Variants in ADAM29 observed in about 807,000 individuals in gnomAD.
The protein encoded by ADAM29 is disintegrin and metalloproteinase domain-containing protein 29.
For missense variants in ADAM29, 969 were observed against 1,001.8 expected (o/e 0.97, Z 0.44); for synonymous variants, 367 against 342.3 (o/e 1.07, Z -0.80).
chr4:174,974,708 C>G (rs1746657382), intron 4 of ADAM29, among the ~76,000 whole-genome samples: 1 of 152,160 alleles, frequency 6.6e-6, no homozygotes, highest in South Asian at 2.1e-4. Flanking sequence ...TTAAACCAGG[C>G]ATTATATGAG....
Position 174,975,488 on chromosome 4 carries a change from G to T in ADAM29, c.-38G>T. The T allele has an allele frequency of 6.7e-7, 1 of 1,492,582 alleles. No homozygotes were observed. 92.5% of individuals were successfully genotyped at this position (1,492,582 alleles called of 1,614,324 possible). On this transcript the variant is annotated 5_prime_UTR_variant, in exon 5 of 5. Transcript: ENST00000359240. ...CTCTGGACCAGTGTTTCCATAACAG[G>T]GACTTCAAAATCACTGTGATTTGAA...
At chr4:174,968,767 CCGCCCACACACA>C (rs1317066742) in intron 4 of ADAM29, among the ~76,000 whole-genome samples, 5 of 114,848 alleles carry the variant, frequency 4.4e-5, no homozygotes, top group Middle Eastern at 4.2e-3. Context: ...TTGCCACTTT[CCGCCCACACACA>C]CACACACACA....
intron 3 of ADAM29, among the ~76,000 whole-genome samples, chr4:174,931,766 T>A (rs1743890913): frequency 6.6e-6 from 1 of 151,968 alleles, no homozygotes; most frequent in African/African-American, 2.4e-5. Context: ...TTAAAAAAAA[T>A]CTCTCTCGTT....
At chr4:174,964,065 C>T (rs932349336) in intron 4 of ADAM29, among the ~76,000 whole-genome samples, 23 of 152,000 alleles carry the variant, frequency 1.5e-4, no homozygotes, top group South Asian at 2.1e-4. Context: ...TGATTAAATA[C>T]AGTATTATCT....
In ADAM29 at chr4:174,976,909, T is replaced by C. The variant is rs1325035982; in HGVS notation, c.1384T>C (p.Cys462Arg). The change falls in exon 5 of 5, where the codon TGT becomes CGT. Residue 462 changes from cysteine (C) to arginine (R), a missense_variant. Cys to Arg is a radical substitution (Grantham distance 180, BLOSUM62 -3). Transcript: ENST00000359240. ...AGTGTGTAGAAAGGAGGTCAATGAA[T>C]GTGATCTTCCAGAGTGGTGCAATGG... ...GKVCRKEVNE[C>R]DLPEWCNGTS... The C allele has an allele frequency of 1.9e-6, 3 of 1,614,040 alleles. No individual in the cohort carries two copies. Among genetic ancestry groups the C allele is most frequent in the Non-Finnish European group, 2.5e-6 (3 of 1,180,044 alleles).
chr4:174,927,021 A>G (rs1011733000), intron 2 of ADAM29, among the ~76,000 whole-genome samples: 2 of 152,252 alleles, frequency 1.3e-5, no homozygotes, highest in Non-Finnish European at 2.9e-5. Context: ...AAAGATACTC[A>G]GTATCATTAG....
intron 4 of ADAM29, among the ~76,000 whole-genome samples, chr4:174,950,375 C>A (rs762945656): frequency 6.6e-6 from 1 of 152,186 alleles, no homozygotes; most frequent in African/African-American, 2.4e-5. Context: ...CCCTTCAGAC[C>A]TGGAATCCTA....
Position 174,939,173 on chromosome 4 carries a change from T to G in ADAM29, c.-181+2160T>G, listed in dbSNP as rs115430287. ...TTCACAGGTTCCTGGGGTTAGGACA[T>G]GGGACATATCTTTTTGGGAGCCACC... On this transcript the variant is annotated intron_variant, in intron 4 of 4. Transcript: ENST00000359240. Among the ~76,000 whole-genome samples, 1,158 of 152,280 alleles carry G rather than the reference T, an allele frequency of 7.6e-3. 18 individuals carry two copies. Among genetic ancestry groups the G allele is most frequent in the African/African-American group, 0.026 (1,077 of 41,570 alleles).
intron 2 of ADAM29, chr4:174,924,157 A>G (rs774195309): frequency 6.6e-6 from 1 of 152,180 alleles, no homozygotes; most frequent in Non-Finnish European, 1.5e-5. Context: ...AGTACAGACA[A>G]CTCAATTAAA....
chr4:174,975,505 T>C lies in ADAM29; in HGVS notation c.-21T>C. 6.7e-7 allele frequency: 1 copy of C among 1,493,124 alleles called. No individual in the cohort carries two copies. Among genetic ancestry groups the C allele is most frequent in the Non-Finnish European group, 8.9e-7 (1 of 1,120,876 alleles). 92.5% of individuals were successfully genotyped at this position (1,493,124 alleles called of 1,614,324 possible). ...CATAACAGGGACTTCAAAATCACTG[T>C]GATTTGAAGCCTTTTTGAACATGAA... On this transcript the variant is annotated 5_prime_UTR_variant, in exon 5 of 5. Coordinates refer to ENST00000359240, the MANE Select transcript of ADAM29 (RefSeq NM_014269.4).
chr4:174,924,209 G>A (rs1743354762), intron 2 of ADAM29, among the ~76,000 whole-genome samples: 1 of 152,132 alleles, frequency 6.6e-6, no homozygotes, highest in South Asian at 2.1e-4. Flanking sequence ...CAAAGAACAT[G>A]TACAGATAGC....
chr4:174,963,890 C>G (rs1746003739), intron 4 of ADAM29, among the ~76,000 whole-genome samples: 1 of 151,958 alleles, frequency 6.6e-6, no homozygotes. Flanking sequence ...AGGCTGGTCT[C>G]GAACTCCTGA....
intron 4 of ADAM29, among the ~76,000 whole-genome samples, chr4:174,966,002 C>T (rs766652680): frequency 1.3e-5 from 2 of 152,214 alleles, no homozygotes; most frequent in Admixed American, 6.5e-5. Context: ...GGACCTCTCG[C>T]AGATACCAAA....
intron 2 of ADAM29, among the ~76,000 whole-genome samples, chr4:174,927,327 G>GT (rs548646818): frequency 8.1e-4 from 122 of 151,342 alleles, no homozygotes; most frequent in Non-Finnish European, 1.4e-3. Context: ...TAGTAATTGT[G>GT]TTTTTTTTTA....
intron 2 of ADAM29, among the ~76,000 whole-genome samples, chr4:174,921,054 A>G (rs1485201644): frequency 6.6e-6 from 1 of 152,140 alleles, no homozygotes; most frequent in African/African-American, 2.4e-5. Flanking sequence ...AGAGAATATT[A>G]TACTATGCCA....
intron 4 of ADAM29, among the ~76,000 whole-genome samples, chr4:174,959,638 T>G (rs1745699618): frequency 6.6e-6 from 1 of 151,832 alleles, no homozygotes; most frequent in African/African-American, 2.4e-5. Context: ...TCTTATAAAT[T>G]TTTAATATTT....
intron 4 of ADAM29, among the ~76,000 whole-genome samples, chr4:174,952,615 C>T (rs986475453): frequency 6.6e-6 from 1 of 151,920 alleles, no homozygotes; most frequent in Non-Finnish European, 1.5e-5. Flanking sequence ...CTCAGAGATT[C>T]AGAAAATTTG....
At chr4:174,957,908 A>T (rs1440452974) in intron 4 of ADAM29, among the ~76,000 whole-genome samples, 1 of 151,886 alleles carries the variant, frequency 6.6e-6, no homozygotes, top group Non-Finnish European at 1.5e-5. Flanking sequence ...ATCTGATTTT[A>T]TGAGCTTTTG....
chr4:174,977,995 C>A lies in ADAM29; in HGVS notation c.*7C>A. The A allele has an allele frequency of 6.2e-7, 1 of 1,601,002 alleles. No individual in the cohort carries two copies. The highest frequency in any genetic ancestry group is 8.5e-7 in the Non-Finnish European group (1 of 1,171,988). On this transcript the variant is annotated 3_prime_UTR_variant, in exon 5 of 5. Coordinates refer to ENST00000359240, the MANE Select transcript of ADAM29 (RefSeq NM_014269.4). ...TCCTGTGACGCCCTCCTAGAGCCAA[C>A]CTCAGTTGATGCCTTCCCAGAGTCA...
Sources: allele counts gnomAD v4.1 joint callset (sites outside exome capture counted in the v4.1 genomes callset), GRCh38; gene constraint gnomAD v4.1.1; transcripts MANE v1.5; gene names NCBI Gene and HGNC (gene_info 2026-07-23, HGNC 2026-07-21).